KSR2: variants seen among roughly 807,000 people sequenced by gnomAD.
The protein encoded by KSR2 is kinase suppressor of ras 2.
KSR2 carries 25 observed loss-of-function variants against 107.8 expected under a neutral mutation model. The ratio of observed to expected loss-of-function variants is 0.23; its 90% confidence interval spans 0.17 to 0.32. The LOEUF is 0.32. Among genes scored for constraint, KSR2 ranks in the 10% least tolerant of loss-of-function variants. The pLI, the probability that KSR2 is intolerant of heterozygous loss-of-function variation, is 1.00. For missense variants in KSR2, 887 were observed against 1,268.9 expected (o/e 0.70, Z 4.57); for synonymous variants, 480 against 507.0 (o/e 0.95, Z 0.71).
chr12:117,603,591 G>A (rs1881074393), intron 5 of KSR2, among the ~76,000 whole-genome samples: 1 of 152,210 alleles, frequency 6.6e-6, no homozygotes, highest in Admixed American at 6.5e-5. Flanking sequence ...AGGGCAGGCA[G>A]CCACACCACC....
chr12:117,894,573 C>T (rs1894447744), intron 1 of KSR2, among the ~76,000 whole-genome samples: 1 of 152,136 alleles, frequency 6.6e-6, no homozygotes, highest in Non-Finnish European at 1.5e-5. Flanking sequence ...TCATGTCAAA[C>T]TGTAATCCCC....
intron 8 of KSR2, 30 bp downstream of exon 8, chr12:117,558,476 C>T (rs756096657): frequency 8.1e-6 from 13 of 1,603,612 alleles, no homozygotes; most frequent in South Asian, 7.7e-5. Flanking sequence ...CTCACCCCTG[C>T]CCCTAGGGCA....
chr12:117,713,856 T>C lies in KSR2; in HGVS notation c.987-46198A>G, dbSNP rs2136664255. Among the ~76,000 whole-genome samples the C allele has an allele frequency of 2.0e-5, 3 of 152,128 alleles. No individual in the cohort carries two copies. The South Asian group carries it at 6.2e-4, about 32-fold the overall frequency. ...AATTACTCCCTGAGGCTGAGTCAAT[T>C]TCAACAGCTCTGACTCCAGCTCCCT... On this transcript the variant is annotated intron_variant, in intron 4 of 19. Transcript: ENST00000339824.
At position 117,618,842 on chromosome 12, in the gene KSR2, G is replaced by A. The variant is rs141695278; in HGVS notation, c.1172-36483C>T. On this transcript the variant is annotated intron_variant, in intron 5 of 19. Coordinates refer to ENST00000339824, the MANE Select transcript of KSR2 (RefSeq NM_173598.6). ...TTTTCTTTAGAAATCACTCAGTCTCGGATATGTCTTTATCAGCAGCATGAA... is the reference window on the plus strand; with the variant it reads ...TTTTCTTTAGAAATCACTCAGTCTCAGATATGTCTTTATCAGCAGCATGAA... Among the ~76,000 whole-genome samples, 356 of 152,160 alleles carry A rather than the reference G, an allele frequency of 2.3e-3. 1 individual carries two copies. Among genetic ancestry groups the A allele is most frequent in the African/African-American group, 8.1e-3 (337 of 41,522 alleles).
intron 18 of KSR2, 70 bp downstream of exon 18, chr12:117,471,121 A>G (rs1871428023): frequency 6.4e-7 from 1 of 1,567,868 alleles, no homozygotes; most frequent in East Asian, 2.3e-5. Flanking sequence ...AACACATAGT[A>G]AAAAGAAGGC....
At chr12:117,927,879 G>A (rs187933341) in intron 1 of KSR2, among the ~76,000 whole-genome samples, 2 of 152,074 alleles carry the variant, frequency 1.3e-5, no homozygotes, top group African/African-American at 4.8e-5. Flanking sequence ...GTGTACAGCG[G>A]AGTGGCCTCA....
At chr12:117,768,774 T>C (rs1375801968) in intron 3 of KSR2, among the ~76,000 whole-genome samples, 1 of 152,230 alleles carries the variant, frequency 6.6e-6, no homozygotes, top group African/African-American at 2.4e-5. Context: ...TAAAAAGTTA[T>C]AGACCCACGG....
chr12:117,651,193 C>T (rs951927838), intron 5 of KSR2, among the ~76,000 whole-genome samples: 1 of 152,200 alleles, frequency 6.6e-6, no homozygotes, highest in Non-Finnish European at 1.5e-5. Flanking sequence ...GCCTTTCCAC[C>T]TTTGTCTGAG....
At chr12:117,731,516 G>A (rs1486745806) in intron 4 of KSR2, among the ~76,000 whole-genome samples, 8 of 152,258 alleles carry the variant, frequency 5.3e-5, no homozygotes, top group African/African-American at 1.2e-4. Flanking sequence ...CTGTCCGGCC[G>A]CCACCCCGTC....
chr12:117,751,461 G>A (rs923783678), intron 4 of KSR2, among the ~76,000 whole-genome samples: 4 of 152,180 alleles, frequency 2.6e-5, no homozygotes, highest in Non-Finnish European at 4.4e-5. Flanking sequence ...CTGATAAAGA[G>A]GAAACATCAC....
chr12:117,504,233 C>T (rs986368697), intron 14 of KSR2, among the ~76,000 whole-genome samples: 2 of 152,172 alleles, frequency 1.3e-5, no homozygotes, highest in Non-Finnish European at 2.9e-5. Flanking sequence ...AATGTTGCAT[C>T]TTCATGGGAA....
chr12:117,615,711 G>A (rs1260778440), intron 5 of KSR2, among the ~76,000 whole-genome samples: 5 of 152,160 alleles, frequency 3.3e-5, no homozygotes, highest in Non-Finnish European at 2.9e-5. Flanking sequence ...GCCTTCAGAT[G>A]AGACTGTAGC....
chr12:117,684,504 T>G (rs192054070), intron 4 of KSR2, among the ~76,000 whole-genome samples: 3 of 152,286 alleles, frequency 2.0e-5, no homozygotes, highest in East Asian at 1.9e-4. Flanking sequence ...GATCCAATTT[T>G]CCTCGATGCC....
At chr12:117,944,905 A>G (rs993992086) in intron 1 of KSR2, among the ~76,000 whole-genome samples, 2 of 152,056 alleles carry the variant, frequency 1.3e-5, no homozygotes, top group Non-Finnish European at 2.9e-5. Context: ...CTAAAAAAAT[A>G]AAATCTGGAG....
At chr12:117,924,557 A>T (rs1435658782) in intron 1 of KSR2, among the ~76,000 whole-genome samples, 1 of 128,874 alleles carries the variant, frequency 7.8e-6, no homozygotes, top group Admixed American at 8.4e-5. Context: ...GGCTGACAAG[A>T]GTGAAGCTCC....
chr12:117,820,838 A>G (rs1294344974), intron 3 of KSR2, among the ~76,000 whole-genome samples: 1 of 152,214 alleles, frequency 6.6e-6, no homozygotes, highest in African/African-American at 2.4e-5. Flanking sequence ...CATGTGGTCC[A>G]TCTGCTCTAC....
At chr12:117,737,958 C>T (rs547923310) in intron 4 of KSR2, among the ~76,000 whole-genome samples, 19 of 152,252 alleles carry the variant, frequency 1.2e-4, no homozygotes, top group Non-Finnish European at 1.8e-4. Context: ...ACCTCAGCTG[C>T]AACAGTTTGA....
At chr12:117,635,486 A>C (rs1360257232) in intron 5 of KSR2, among the ~76,000 whole-genome samples, 1 of 152,248 alleles carries the variant, frequency 6.6e-6, no homozygotes, top group Non-Finnish European at 1.5e-5. Flanking sequence ...GCCAAAATTT[A>C]AAAGATGAAA....
At chr12:117,518,172 A>G (rs75982168) in intron 14 of KSR2, among the ~76,000 whole-genome samples, 5,158 of 152,286 alleles carry the variant, frequency 0.034, 171 homozygotes, top group African/African-American at 0.085. Context: ...TTAACCTCAC[A>G]TAACTGAGAA....
Sources: gnomAD v4.1 joint callset for allele counts (sites outside exome capture counted in the v4.1 genomes callset) on GRCh38, gnomAD v4.1.1 for gene constraint, MANE v1.5 for transcripts, NCBI Gene and HGNC (gene_info 2026-07-23, HGNC 2026-07-21) for gene names.